MSN: variants seen among roughly 807,000 people sequenced by gnomAD.
The protein encoded by MSN is epididymis luminal protein 70.
Under a neutral mutation model 48.0 loss-of-function variants are expected in MSN, and 2 were observed. The ratio of observed to expected loss-of-function variants is 0.04; its 90% CI spans 0.02 to 0.13. The LOEUF is 0.13. Among genes scored for constraint, MSN ranks in the 10% least tolerant of loss-of-function variants. The pLI is 1.00. For missense variants in MSN, 267 were observed against 470.1 expected, an observed-to-expected ratio of 0.57 and a Z score of 3.99; for synonymous variants, 146 against 166.9, an observed-to-expected ratio of 0.87 and a Z score of 0.97.
At chrX:65,619,896 T>C (rs1423246391) in intron 1 of MSN, among the ~76,000 whole-genome samples, 1 of 110,099 alleles carries the variant, frequency 9.1e-6, no homozygotes, top group Non-Finnish European at 1.9e-5. Flanking sequence ...GGTGTGGATG[T>C]CCTTTCTGTT....
intron 1 of MSN, among the ~76,000 whole-genome samples, chrX:65,691,599 G>A (rs1371961276): frequency 9.0e-6 from 1 of 111,043 alleles, no homozygotes; most frequent in East Asian, 2.8e-4. Context: ...TCGCCTCCTG[G>A]GTTCAAGTGA....
At chrX:65,702,698 T>A (rs754877089) in intron 1 of MSN, among the ~76,000 whole-genome samples, 17 of 110,234 alleles carry the variant, frequency 1.5e-4, no homozygotes, top group Non-Finnish European at 5.7e-5. Context: ...ACAAAAACAG[T>A]TTGTGATCTT....
chrX:65,622,708 G>T (rs1428037211), intron 1 of MSN, among the ~76,000 whole-genome samples: 2 of 108,964 alleles, frequency 1.8e-5, no homozygotes, highest in African/African-American at 6.7e-5. Context: ...GTAGAGACAG[G>T]GTTTTGCTAT....
intron 6 of MSN, 86 bp downstream of exon 6, chrX:65,732,070 G>C (rs2071628045): frequency 3.0e-6 from 3 of 1,003,799 alleles, no homozygotes; most frequent in Non-Finnish European, 4.0e-6. Flanking sequence ...CATATCTCTT[G>C]GGTCCCATCT....
At chrX:65,592,272 T>TTG (rs1433721968) in intron 1 of MSN, among the ~76,000 whole-genome samples, 3 of 101,393 alleles carry the variant, frequency 3.0e-5, no homozygotes, top group Non-Finnish European at 6.0e-5. Flanking sequence ...CTTGGCTCAC[T>TTG]GCAACCTCTG....
chrX:65,630,288 T>C (rs1344871944), intron 1 of MSN, among the ~76,000 whole-genome samples: 1 of 111,423 alleles, frequency 9.0e-6, no homozygotes, highest in Non-Finnish European at 1.9e-5. Context: ...AAAGAAACCC[T>C]AAAGGCTGGG....
chrX:65,608,313 AC>A (rs2148353514), intron 1 of MSN, among the ~76,000 whole-genome samples: 1 of 111,455 alleles, frequency 9.0e-6, no homozygotes, highest in South Asian at 3.8e-4. Context: ...GAACCTCTGT[AC>A]CCAGTTTTGT....
intron 1 of MSN, 94 bp downstream of exon 1, chrX:65,667,947 C>T: frequency 2.0e-6 from 2 of 984,155 alleles, no homozygotes; most frequent in Non-Finnish European, 2.8e-6. Context: ...AGCCACCGGC[C>T]CGCCTGGGAC....
chrX:65,628,703 GT>G (rs1010971168), intron 1 of MSN, among the ~76,000 whole-genome samples: 34 of 107,247 alleles, frequency 3.2e-4, no homozygotes, highest in African/African-American at 3.4e-4. Context: ...TAAAAAAAAT[GT>G]TTTTTTTTTC....
At chrX:65,697,149 T>C (rs1263196630) in intron 1 of MSN, among the ~76,000 whole-genome samples, 1 of 95,778 alleles carries the variant, frequency 1.0e-5, no homozygotes, top group Non-Finnish European at 2.1e-5. Context: ...TGTTCCCTAA[T>C]GGGGATGAGA....
intron 1 of MSN, among the ~76,000 whole-genome samples, chrX:65,680,941 G>A (rs748166494): frequency 9.1e-5 from 10 of 110,153 alleles, no homozygotes; most frequent in Admixed American, 7.8e-4. Flanking sequence ...AGTAGAGAAA[G>A]GGTTTTACCA....
At chrX:65,717,918 T>C (rs1205930568) in intron 2 of MSN, among the ~76,000 whole-genome samples, 1 of 111,793 alleles carries the variant, frequency 8.9e-6, no homozygotes, top group African/African-American at 3.3e-5. Context: ...AGTGTTCAAA[T>C]AAGCTAATTC....
At chrX:65,718,415 G>T (rs1312212922) in intron 2 of MSN, among the ~76,000 whole-genome samples, 1 of 112,124 alleles carries the variant, frequency 8.9e-6, no homozygotes, top group East Asian at 2.8e-4. Flanking sequence ...AGGTGAGAAA[G>T]ATAAGAAAAC....
chrX:65,593,933 T>C (rs1015082507), intron 1 of MSN, among the ~76,000 whole-genome samples: 2 of 112,094 alleles, frequency 1.8e-5, no homozygotes, highest in Admixed American at 9.5e-5. Flanking sequence ...GACACCTTGA[T>C]TGGGAGAGAA....
intron 1 of MSN, among the ~76,000 whole-genome samples, chrX:65,707,517 T>C (rs1331049624): frequency 8.9e-6 from 1 of 112,062 alleles, no homozygotes; most frequent in Non-Finnish European, 1.9e-5. Flanking sequence ...TAGGCAGGGA[T>C]CTAGGCATAT....
chrX:65,598,120 G>C (rs954454803), intron 1 of MSN, among the ~76,000 whole-genome samples: 2 of 111,230 alleles, frequency 1.8e-5, no homozygotes, highest in African/African-American at 6.6e-5. Flanking sequence ...TTTTGGATTG[G>C]AAGTTATTTA....
chrX:65,630,647 C>A (rs1344255928), intron 1 of MSN, among the ~76,000 whole-genome samples: 2 of 110,883 alleles, frequency 1.8e-5, no homozygotes, highest in Non-Finnish European at 3.8e-5. Context: ...CACCTTTTAC[C>A]AGTCACTCCC....
At chrX:65,606,829 C>T (rs760610695) in intron 1 of MSN, among the ~76,000 whole-genome samples, 1 of 112,529 alleles carries the variant, frequency 8.9e-6, no homozygotes, top group African/African-American at 3.2e-5. Context: ...AGTATTAATT[C>T]ATTTGCTTAT....
At chrX:65,703,788 T>C (rs2071333513) in intron 1 of MSN, among the ~76,000 whole-genome samples, 1 of 111,658 alleles carries the variant, frequency 9.0e-6, no homozygotes, top group South Asian at 3.7e-4. Context: ...TTGCCCAGGC[T>C]GGTCTTTAAC....
Sources: allele counts gnomAD v4.1 joint callset (sites outside exome capture counted in the v4.1 genomes callset), GRCh38; gene constraint gnomAD v4.1.1; transcripts MANE v1.5; gene names NCBI Gene and HGNC (gene_info 2026-07-23, HGNC 2026-07-21).